Variants in DOCK9 observed in about 807,000 individuals in gnomAD.
DOCK9 encodes the protein dedicator of cytokinesis 9.
A neutral mutation model predicts 263.3 loss-of-function variants in DOCK9; 89 were observed. That is an observed-to-expected ratio of 0.34 (90% CI 0.28 to 0.40). The LOEUF (loss-of-function observed/expected upper bound fraction) is 0.40. Ranked by LOEUF, DOCK9 falls within the 10% of genes least tolerant of loss-of-function variation. The pLI, the probability that DOCK9 is intolerant of heterozygous loss-of-function variation, is 1.00. For synonymous variants in DOCK9, 976 were observed against 973.1 expected (o/e 1.00, Z -0.06); for missense variants, 2,140 against 2,603.4 (o/e 0.82, Z 3.87).
chr13:98,841,794 C>CATTATTATTATTATT (rs71114554), intron 38 of DOCK9, among the ~76,000 whole-genome samples: 2 of 149,114 alleles, frequency 1.3e-5, no homozygotes, highest in Non-Finnish European at 3.0e-5. Context: ...GATTTTTCTG[C>CATTATTATTATTATT]ATTATTATTA....
chr13:98,959,475 T>G (rs1253169938), intron 1 of DOCK9: 4 of 152,280 alleles, frequency 2.6e-5, no homozygotes, highest in Non-Finnish European at 5.9e-5. Flanking sequence ...TGGAAGCACT[T>G]CCGGGACACA....
In DOCK9 at chr13:99,016,735, C is replaced by T. The variant is rs554493144; in HGVS notation, c.130-61184G>A. Among the ~76,000 whole-genome samples the T allele has an allele frequency of 9.8e-4, 149 of 152,296 alleles. 2 individuals carry two copies. Among genetic ancestry groups the T allele is most frequent in the African/African-American group, 3.4e-3 (141 of 41,572 alleles). On this transcript the variant is annotated intron_variant, in intron 1 of 32. Transcript: ENST00000427887. The stretch of plus-strand genomic sequence containing the variant: ...AGGCTAACTATATAAAAAGACCATG[C>T]TGCACATACAGGAAAACTTTTCCCA...
At position 98,824,508 on chromosome 13, in the gene DOCK9, G is replaced by C; in HGVS notation, c.5024-4C>G. The C allele has an allele frequency of 6.2e-7, 1 of 1,613,086 alleles. No homozygotes were observed. Among genetic ancestry groups the C allele is most frequent in the South Asian group, 1.1e-5 (1 of 91,046 alleles). The stretch of plus-strand genomic sequence containing the variant: ...GTGCATCCTTGTCTAAACACGCCTA[G>C]GAAGAGAGGAAGGAGGGACAGTCAG... On this transcript the variant is annotated splice_region_variant and splice_polypyrimidine_tract_variant and intron_variant, in intron 44 of 52. Coordinates refer to ENST00000682017, the MANE Select transcript of DOCK9 (RefSeq NM_001366683.2).
intron 7 of DOCK9, among the ~76,000 whole-genome samples, chr13:98,916,042 G>T (rs1177440500): frequency 6.6e-6 from 1 of 152,062 alleles, no homozygotes; most frequent in Non-Finnish European, 1.5e-5. Context: ...AAGGTATTTG[G>T]ACTCCCTGTC....
At chr13:98,896,159 A>C (rs1419072004) in intron 15 of DOCK9, among the ~76,000 whole-genome samples, 1 of 152,256 alleles carries the variant, frequency 6.6e-6, no homozygotes, top group African/African-American at 2.4e-5. Flanking sequence ...TTAAAGCTCC[A>C]AACAGGGGAA....
At position 98,844,728 on chromosome 13, in the gene DOCK9, C is replaced by T. The variant is rs370303973; in HGVS notation, c.4198+1196G>A. On this transcript the variant is annotated intron_variant, in intron 38 of 52. Transcript: ENST00000682017. The stretch of plus-strand genomic sequence containing the variant: ...ACCCGGACAATCTTCATAATGCCCA[C>T]GTTGCTGGGTCAGAGGTGTGGGAAG... Among the ~76,000 whole-genome samples the T allele has an allele frequency of 1.4e-3, 218 of 152,264 alleles. 7 individuals are homozygous for T. In the South Asian group the frequency reaches 0.042, roughly 29 times the overall value.
chr13:98,904,900 T>G (rs1416674671), intron 9 of DOCK9, among the ~76,000 whole-genome samples, 194 bp from the exon 10 acceptor site: 2 of 152,092 alleles, frequency 1.3e-5, no homozygotes, highest in African/African-American at 4.8e-5. Context: ...GAAGTGAAGG[T>G]GAGATCCCTG....
At chr13:98,997,296 G>A (rs1283059257) in intron 1 of DOCK9, among the ~76,000 whole-genome samples, 1 of 152,178 alleles carries the variant, frequency 6.6e-6, no homozygotes, top group Non-Finnish European at 1.5e-5. Context: ...ATTCAGGCAG[G>A]GTTCGCCCAC....
At chr13:98,970,284 T>G (rs1360591031) in intron 1 of DOCK9, among the ~76,000 whole-genome samples, 1 of 152,230 alleles carries the variant, frequency 6.6e-6, no homozygotes, top group African/African-American at 2.4e-5. Flanking sequence ...AGGCCTGAGC[T>G]ACCACGCCCC....
At chr13:98,963,692 A>G (rs1338335538) in intron 1 of DOCK9, among the ~76,000 whole-genome samples, 1 of 152,248 alleles carries the variant, frequency 6.6e-6, no homozygotes, top group Non-Finnish European at 1.5e-5. Flanking sequence ...TCCTTGATTT[A>G]TCTGCATGGC....
intron 1 of DOCK9, among the ~76,000 whole-genome samples, chr13:98,968,430 G>A (rs1595724899): frequency 6.6e-6 from 1 of 152,198 alleles, no homozygotes; most frequent in African/African-American, 2.4e-5. Flanking sequence ...AGACCAGACT[G>A]GCCAACATGG....
At position 98,888,542 on chromosome 13, in the gene DOCK9, C is replaced by T; in HGVS notation, c.1795G>A (p.Val599Ile). 1.2e-6 allele frequency: 2 copies of T among 1,613,780 alleles called. No individual in the cohort carries two copies. The highest frequency in any genetic ancestry group is 8.5e-7 in the Non-Finnish European group (1 of 1,179,768). Residue 599 changes from valine to isoleucine, a missense_variant, in exon 17 of 53, where the codon GTT (valine) becomes ATT (isoleucine). Around this residue, in one of 2 missense-constraint regions of DOCK9, gnomAD observed 1,521 missense variants for 1,741.7 expected, o/e 0.87. Coordinates refer to ENST00000682017, the MANE Select transcript of DOCK9 (RefSeq NM_001366683.2). ...DNVSSDFPNYVNSSYIPTKQF... is the reference protein window; with the variant it reads ...DNVSSDFPNYINSSYIPTKQF... ...TTTGTGGGAATGTATGATGAATTAA[C>T]ATAATCTGCAAAGATATTCAAAATA...
intron 1 of DOCK9, among the ~76,000 whole-genome samples, chr13:99,064,318 G>A (rs1413101272): frequency 3.9e-5 from 6 of 152,196 alleles, no homozygotes; most frequent in African/African-American, 1.4e-4. Context: ...TCACTATATT[G>A]ATAAATAACA....
At chr13:98,943,836 A>C (rs146440561) in intron 2 of DOCK9, among the ~76,000 whole-genome samples, 4,405 of 145,524 alleles carry the variant, frequency 0.03, 96 homozygotes, top group South Asian at 0.071. Context: ...ACAAATAATC[A>C]TAATAAAGAG....
At chr13:99,019,869 G>A (rs981704083) in intron 1 of DOCK9, among the ~76,000 whole-genome samples, 10 of 152,106 alleles carry the variant, frequency 6.6e-5, no homozygotes, top group African/African-American at 1.7e-4. Context: ...GGGAGGCCGA[G>A]GCGGGCAGAT....
At chr13:99,021,783 A>G (rs987520335) in intron 1 of DOCK9, among the ~76,000 whole-genome samples, 7 of 152,150 alleles carry the variant, frequency 4.6e-5, no homozygotes, top group African/African-American at 1.7e-4. Context: ...TCTCATACAT[A>G]AGTGGGAGTT....
At chr13:98,909,205 AG>A (rs1479340837) in intron 9 of DOCK9, among the ~76,000 whole-genome samples, 1 of 152,216 alleles carries the variant, frequency 6.6e-6, no homozygotes, top group African/African-American at 2.4e-5. Context: ...GACAAGGAAA[AG>A]AATGATTCAT....
At chr13:98,821,871 T>C (rs2092293683) in intron 45 of DOCK9, among the ~76,000 whole-genome samples, 2 of 152,220 alleles carry the variant, frequency 1.3e-5, no homozygotes, top group Admixed American at 6.5e-5. Context: ...ATAATGTAGA[T>C]GAAAAGGGCA....
chr13:98,874,564 T>A (rs141365786), intron 27 of DOCK9, among the ~76,000 whole-genome samples: 88 of 152,336 alleles, frequency 5.8e-4, no homozygotes, highest in African/African-American at 2.0e-3. Flanking sequence ...CCCTTACTCA[T>A]TCATAATGCT....
Sources: gnomAD v4.1 joint callset for allele counts (sites outside exome capture counted in the v4.1 genomes callset) on GRCh38, gnomAD v4.1.1 for gene constraint, gnomAD v4.1.1 regional missense constraint, MANE v1.5 for transcripts, NCBI Gene and HGNC (gene_info 2026-07-23, HGNC 2026-07-21) for gene names.